CHODL: variants seen among roughly 807,000 people sequenced by gnomAD.
CHODL encodes chondrolectin.
CHODL carries 29 observed loss-of-function variants against 34.5 expected under a neutral mutation model. The ratio of observed to expected loss-of-function variants is 0.84; its 90% CI spans 0.63 to 1.15. CHODL has a LOEUF of 1.15. CHODL is among the 50% of genes most tolerant of loss of function. The pLI is 0.00. For synonymous variants in CHODL, 125 were observed against 116.1 expected (o/e 1.08, Z -0.49); for missense variants, 332 against 332.5 (o/e 1.00, Z 0.01).
chr21:18,114,420 C>T (rs981972393), intron 2 of CHODL, among the ~76,000 whole-genome samples: 1 of 151,948 alleles, frequency 6.6e-6, no homozygotes, highest in East Asian at 1.9e-4. Context: ...TACTATGTAC[C>T]CACAACAGTT....
At chr21:18,007,409 A>C (rs575564464) in intron 1 of CHODL, among the ~76,000 whole-genome samples, 1 of 152,044 alleles carries the variant, frequency 6.6e-6, no homozygotes, top group Admixed American at 6.5e-5. Context: ...AGACAGAGGA[A>C]TAAGTACTTG....
intron 1 of CHODL, among the ~76,000 whole-genome samples, chr21:17,924,043 G>A (rs1248246871): frequency 6.6e-6 from 1 of 152,198 alleles, no homozygotes; most frequent in African/African-American, 2.4e-5. Flanking sequence ...CTTGGAGTTT[G>A]AGGGATAGAG....
intron 2 of CHODL, among the ~76,000 whole-genome samples, chr21:18,186,997 T>C (rs528954830): frequency 6.6e-6 from 1 of 152,182 alleles, no homozygotes; most frequent in African/African-American, 2.4e-5. Flanking sequence ...TTTCAATCTG[T>C]TGAAAACAAT....
rs1332048271 is a variant in CHODL at position 17,954,730 on chromosome 21, AGCTTGC to A, written c.-145+37331_-145+37336del. Among the ~76,000 whole-genome samples the A allele has an allele frequency of 2.2e-5, 3 of 133,954 alleles. 1 individual carries two copies. The East Asian group carries it at 6.6e-4, about 29-fold the overall frequency. The allele number at this position is 133,954 out of a possible 152,430, so 87.9% of individuals were successfully genotyped here. On this transcript the variant is annotated intron_variant, in intron 1 of 6. Transcript: ENST00000400127. ...ACACCACCAGCTTTCCTGAATCTCC[AGCTTGC>A]AGATACATATTGCAAGACACATGTT...
At chr21:18,090,075 C>T (rs937366144) in intron 2 of CHODL, among the ~76,000 whole-genome samples, 1 of 152,142 alleles carries the variant, frequency 6.6e-6, no homozygotes, top group Non-Finnish European at 1.5e-5. Context: ...AAACATCAAA[C>T]AATAACCCTA....
Position 18,023,489 on chromosome 21 carries a change from C to T in CHODL, c.-144-4383C>T, listed in dbSNP as rs540263910. Among the ~76,000 whole-genome samples the T allele has an allele frequency of 4.9e-4, 74 of 151,988 alleles. 1 individual carries two copies. The highest frequency in any genetic ancestry group is 1.6e-3 in the African/African-American group (67 of 41,448). On this transcript the variant is annotated intron_variant, in intron 1 of 6. Transcript: ENST00000400127. ...AGCTTGGGTAACAAAAAGGATGTCG[C>T]GAACCCAATCAGGAATGAAGGGCAA...
chr21:17,938,636 G>A (rs1035988713), intron 1 of CHODL, among the ~76,000 whole-genome samples: 2 of 151,814 alleles, frequency 1.3e-5, no homozygotes, highest in African/African-American at 2.4e-5. Flanking sequence ...CCGCCACCGC[G>A]CCTGGCTAAT....
Position 18,161,542 on chromosome 21 carries a change from A to G in CHODL, c.-44-94967A>G, listed in dbSNP as rs551254996. Among the ~76,000 whole-genome samples, 42 of 152,270 alleles carry G rather than the reference A, an allele frequency of 2.8e-4. 1 individual carries two copies. In the South Asian group the frequency reaches 8.1e-3, roughly 29 times the overall value. ...ACCTTCCACTCTGAGAGTCAGCCAA[A>G]TGGAACAACTTTTTGTTCCTTAAAT... On this transcript the variant is annotated intron_variant, in intron 2 of 6. Transcript: ENST00000400127.
At position 18,262,856 on chromosome 21, in the gene CHODL, G is replaced by A; in HGVS notation, c.700G>A (p.Ala234Thr). 1.2e-6 allele frequency: 2 copies of A among 1,610,602 alleles called. No individual in the cohort carries two copies. Among genetic ancestry groups the A allele is most frequent in the Non-Finnish European group, 1.7e-6 (2 of 1,177,298 alleles). ...ACCCCTGCTCTTACTGATACTGGTTGCTTTTGGAACCTGTTGTTTCCAGAT... is the reference window on the plus strand; with the variant it reads ...ACCCCTGCTCTTACTGATACTGGTTACTTTTGGAACCTGTTGTTTCCAGAT... Reference protein sequence around the residue: ...TIPLLLLILVAFGTCCFQMLH... With the variant: ...TIPLLLLILVTFGTCCFQMLH... Residue 234 changes from alanine (A) to threonine (T), a missense_variant, in exon 5 of 6, where the codon GCT (alanine) becomes ACT (threonine). Physicochemically the swap from Ala to Thr is moderately conservative, Grantham distance 58. Coordinates refer to ENST00000299295, the MANE Select transcript of CHODL (RefSeq NM_024944.3).
intron 1 of CHODL, among the ~76,000 whole-genome samples, chr21:18,248,694 C>CGT (rs2074180779): frequency 9.3e-6 from 1 of 108,044 alleles, no homozygotes; most frequent in African/African-American, 4.3e-5. Flanking sequence ...ATATTATATA[C>CGT]ATATATATGT....
intron 2 of CHODL, among the ~76,000 whole-genome samples, chr21:18,047,863 C>G (rs181566295): frequency 6.6e-6 from 1 of 151,896 alleles, no homozygotes; most frequent in African/African-American, 2.4e-5. Flanking sequence ...AAACTTGTGA[C>G]GCTTCACAGT....
At chr21:18,005,964 G>T (rs1312193822) in intron 1 of CHODL, among the ~76,000 whole-genome samples, 1 of 152,158 alleles carries the variant, frequency 6.6e-6, no homozygotes, top group Non-Finnish European at 1.5e-5. Context: ...GAACCCACGG[G>T]GAAGTGACTG....
intron 2 of CHODL, among the ~76,000 whole-genome samples, chr21:18,239,631 C>T (rs1434205852): frequency 6.6e-6 from 1 of 152,036 alleles, no homozygotes; most frequent in African/African-American, 2.4e-5. Flanking sequence ...TTTCTTTACA[C>T]CCTTTCCCTT....
chr21:18,084,027 A>T (rs2064973581), intron 2 of CHODL, among the ~76,000 whole-genome samples: 1 of 152,152 alleles, frequency 6.6e-6, no homozygotes, highest in South Asian at 2.1e-4. Flanking sequence ...CTCATCTTGA[A>T]TTGTAATCCA....
At chr21:17,988,137 G>A (rs545376221) in intron 1 of CHODL, among the ~76,000 whole-genome samples, 4 of 152,260 alleles carry the variant, frequency 2.6e-5, no homozygotes, top group East Asian at 1.9e-4. Context: ...GTTGCAAAAC[G>A]CATTAAGTTT....
intron 2 of CHODL, among the ~76,000 whole-genome samples, chr21:18,236,296 C>T (rs1442790293): frequency 6.6e-6 from 1 of 152,058 alleles, no homozygotes; most frequent in Non-Finnish European, 1.5e-5. Flanking sequence ...GGAAAACCGC[C>T]TCCATGATTC....
intron 2 of CHODL, among the ~76,000 whole-genome samples, chr21:18,103,122 T>C (rs2146547638): frequency 6.6e-6 from 1 of 152,334 alleles, no homozygotes; most frequent in Non-Finnish European, 1.5e-5. Context: ...ATTTCATTTG[T>C]TTGTAGCCTC....
chr21:18,246,061 G>A (rs1231496290), intron 1 of CHODL: 2 of 828,482 alleles, frequency 2.4e-6, no homozygotes, highest in East Asian at 2.6e-5. Flanking sequence ...TTCTTTTTTT[G>A]ACTCTCACTG....
intron 5 of CHODL, among the ~76,000 whole-genome samples, chr21:18,263,465 AAG>A (rs2074407038): frequency 6.6e-6 from 1 of 152,182 alleles, no homozygotes; most frequent in Non-Finnish European, 1.5e-5. Context: ...TTTTACCAGC[AAG>A]ATTTCTGGGG....
Sources: gnomAD v4.1 joint callset for allele counts (sites outside exome capture counted in the v4.1 genomes callset) on GRCh38, gnomAD v4.1.1 for gene constraint, MANE v1.5 for transcripts, NCBI Gene and HGNC (gene_info 2026-07-23, HGNC 2026-07-21) for gene names.